Variants in ABCA13 observed in about 807,000 individuals in gnomAD.
ABCA13 encodes ATP-binding cassette sub-family A member 13.
ABCA13 carries 476 observed loss-of-function variants against 478.7 expected under a neutral mutation model. The observed-to-expected ratio is 0.99, with a 90% CI of 0.92 to 1.07. The LOEUF is 1.07. ABCA13 is among the 50% of genes least tolerant of loss of function. The pLI is 0.00. For missense variants in ABCA13, 6,060 were observed against 5,910.6 expected (o/e 1.03, Z -0.83); for synonymous variants, 2,252 against 2,158.9 (o/e 1.04, Z -1.20).
intron 20 of ABCA13, among the ~76,000 whole-genome samples, chr7:48,290,545 C>T (rs1798363340): frequency 1.3e-5 from 2 of 152,168 alleles, no homozygotes; most frequent in South Asian, 4.1e-4. Flanking sequence ...GTAGTCCTTG[C>T]TACTGGGGTA....
chr7:48,365,687 T>A (rs960297491), intron 31 of ABCA13, among the ~76,000 whole-genome samples: 3 of 152,190 alleles, frequency 2.0e-5, no homozygotes, highest in East Asian at 1.9e-4. Context: ...CTTTTCCCAA[T>A]GTATGAACTT....
chr7:48,258,028 A>G (rs1237005478), intron 15 of ABCA13, among the ~76,000 whole-genome samples: 2 of 151,890 alleles, frequency 1.3e-5, no homozygotes, highest in African/African-American at 2.4e-5. Context: ...GGGTCAAGCA[A>G]CCCTCCTGCC....
At chr7:48,318,962 C>T (rs1563041412) in intron 27 of ABCA13, among the ~76,000 whole-genome samples, 1 of 152,068 alleles carries the variant, frequency 6.6e-6, no homozygotes. Flanking sequence ...AAAGAGCTCA[C>T]CCTATTGTGG....
intron 38 of ABCA13, among the ~76,000 whole-genome samples, chr7:48,401,642 A>G (rs942951209): frequency 6.6e-6 from 1 of 151,980 alleles, no homozygotes; most frequent in Non-Finnish European, 1.5e-5. Context: ...CATTTGTGCA[A>G]TCTTGCAAGA....
chr7:48,442,527 G>C (rs902201335), intron 42 of ABCA13, among the ~76,000 whole-genome samples: 1 of 151,958 alleles, frequency 6.6e-6, no homozygotes, highest in Non-Finnish European at 1.5e-5. Flanking sequence ...CTTTTCCAAG[G>C]CTCAATATAC....
chr7:48,293,706 T>C (rs1434681168), intron 20 of ABCA13, among the ~76,000 whole-genome samples: 2 of 152,230 alleles, frequency 1.3e-5, no homozygotes, highest in South Asian at 2.1e-4. Flanking sequence ...ATTCCACATA[T>C]GGTGTTTTGC....
intron 58 of ABCA13, among the ~76,000 whole-genome samples, chr7:48,605,691 T>G (rs1455521641): frequency 6.6e-6 from 1 of 152,198 alleles, no homozygotes; most frequent in African/African-American, 2.4e-5. Context: ...TTATGTGTCT[T>G]GGGGTTGCTC....
rs144700767 is a variant in ABCA13 at position 48,525,374 on chromosome 7, C to T, written c.14244+934C>T. Among the ~76,000 whole-genome samples the T allele has an allele frequency of 1.6e-3, 241 of 152,086 alleles. 3 individuals carry two copies. Among genetic ancestry groups the T allele is most frequent in the African/African-American group, 5.7e-3 (238 of 41,464 alleles). ...GATTATTATAGTTTTGCCGGTACCT[C>T]TCCATAGTAGTTTGAGGCAAAGGGG... On this transcript the variant is annotated intron_variant, in intron 54 of 61. Coordinates refer to ENST00000435803, the MANE Select transcript of ABCA13 (RefSeq NM_152701.5).
chr7:48,482,956 T>C, intron 46 of ABCA13, 120 bp from the exon 47 acceptor site: 1 of 705,504 alleles, frequency 1.4e-6, no homozygotes, highest in East Asian at 2.8e-5. Flanking sequence ...AGACCACAGA[T>C]GCTCAGTTGG....
chr7:48,272,426 C>A lies in ABCA13; in HGVS notation c.2760C>A (p.Val920=). 6.2e-7 allele frequency: 1 copy of A among 1,613,762 alleles called. No homozygotes were observed. Among genetic ancestry groups the A allele is most frequent in the Non-Finnish European group, 8.5e-7 (1 of 1,179,748 alleles). The change falls in exon 17 of 62, where the codon GTC becomes GTA. Residue 920 remains valine (V), a synonymous_variant. Coordinates refer to ENST00000435803, the MANE Select transcript of ABCA13 (RefSeq NM_152701.5). ...AGATCTCAGAAGCTCTGAACACAGT[C>A]TACGCTATCAGGAATGCATCTGATC... ...QEQISEALNT[V]YAIRNASDLF... is the part of the protein sequence containing the mutation.
chr7:48,379,098 C>T (rs553051298), intron 35 of ABCA13, among the ~76,000 whole-genome samples: 1 of 152,100 alleles, frequency 6.6e-6, no homozygotes, highest in Admixed American at 6.5e-5. Context: ...ATATTTATAA[C>T]ACATATTTAA....
chr7:48,307,337 A>G (rs1320146496), intron 23 of ABCA13, among the ~76,000 whole-genome samples: 1 of 152,246 alleles, frequency 6.6e-6, no homozygotes, highest in Non-Finnish European at 1.5e-5. Flanking sequence ...GGGCAATTGT[A>G]ACATCGTGGT....
intron 4 of ABCA13, among the ~76,000 whole-genome samples, chr7:48,220,784 AAAG>A (rs1194242786): frequency 6.6e-6 from 1 of 152,208 alleles, no homozygotes; most frequent in Non-Finnish European, 1.5e-5. Context: ...CATGCTATTT[AAAG>A]AAGAATTAAA....
At chr7:48,405,819 A>G (rs755880436) in intron 39 of ABCA13, among the ~76,000 whole-genome samples, 1 of 151,842 alleles carries the variant, frequency 6.6e-6, no homozygotes, top group African/African-American at 2.4e-5. Context: ...TACAAACCAA[A>G]TATTTTCTCA....
chr7:48,416,269 G>A (rs947334581), intron 41 of ABCA13, among the ~76,000 whole-genome samples: 5 of 152,164 alleles, frequency 3.3e-5, no homozygotes, highest in African/African-American at 9.7e-5. Flanking sequence ...GGCCACAGAG[G>A]CCACCAGTGC....
At chr7:48,576,267 A>G (rs1008726345) in intron 55 of ABCA13, among the ~76,000 whole-genome samples, 3 of 152,160 alleles carry the variant, frequency 2.0e-5, no homozygotes, top group Non-Finnish European at 2.9e-5. Flanking sequence ...ACCCAGAAGC[A>G]GAAGTCACCA....
At chr7:48,255,135 T>C (rs1429418946) in intron 15 of ABCA13, among the ~76,000 whole-genome samples, 1 of 152,190 alleles carries the variant, frequency 6.6e-6, no homozygotes, top group African/African-American at 2.4e-5. Flanking sequence ...TTTTTTCCAA[T>C]TTAGAATTCA....
At chr7:48,519,873 A>C (rs1832413259) in intron 52 of ABCA13, among the ~76,000 whole-genome samples, 168 bp from the exon 53 acceptor site, 1 of 152,220 alleles carries the variant, frequency 6.6e-6, no homozygotes. Context: ...TAATATCTCT[A>C]AACAAAATAC....
At chr7:48,520,357 A>G in intron 53 of ABCA13, 63 bp downstream of exon 53, 2 of 1,502,516 alleles carry the variant, frequency 1.3e-6, no homozygotes, top group Non-Finnish European at 1.8e-6. Flanking sequence ...GGAAGAGAAA[A>G]ATTCATCCTG....
Sources: gnomAD v4.1 joint callset for allele counts (sites outside exome capture counted in the v4.1 genomes callset) on GRCh38, gnomAD v4.1.1 for gene constraint, MANE v1.5 for transcripts, NCBI Gene and HGNC (gene_info 2026-07-23, HGNC 2026-07-21) for gene names.